Variants in TOGARAM1 observed in about 807,000 individuals in gnomAD.
TOGARAM1 encodes TOG array regulator of axonemal microtubules 1, also known as TOG array regulator of axonemal microtubules protein 1.
In TOGARAM1, 100 loss-of-function variants were observed where a neutral mutation model predicts 166.6. That is an observed-to-expected ratio of 0.60 (90% CI 0.51 to 0.71). The LOEUF (loss-of-function observed/expected upper bound fraction) is 0.71, where lower values mean the gene tolerates loss of function less well. Among genes scored for constraint, TOGARAM1 ranks in the 30% least tolerant of loss-of-function variants. TOGARAM1 has a pLI of 0.00. For missense variants in TOGARAM1, 2,029 were observed against 2,102.7 expected (o/e 0.96, Z 0.69); for synonymous variants, 758 against 763.8 (o/e 0.99, Z 0.13).
chr14:45,039,113 C>T (rs151166058), intron 11 of TOGARAM1, among the ~76,000 whole-genome samples: 262 of 151,114 alleles, frequency 1.7e-3, no homozygotes, highest in Middle Eastern at 3.4e-3. Context: ...CAGCCCTCAG[C>T]GGAGAGGAGA....
chr14:45,067,861 T>C (rs1368359710), intron 17 of TOGARAM1, among the ~76,000 whole-genome samples: 1 of 152,188 alleles, frequency 6.6e-6, no homozygotes, highest in Non-Finnish European at 1.5e-5. Flanking sequence ...CACTTTATTA[T>C]ATCTTGAGTT....
intron 11 of TOGARAM1, among the ~76,000 whole-genome samples, chr14:45,041,719 C>A (rs1395326990): frequency 6.6e-6 from 1 of 152,210 alleles, no homozygotes; most frequent in East Asian, 1.9e-4. Flanking sequence ...AATAGCCCTG[C>A]CTTACACATT....
intron 11 of TOGARAM1, among the ~76,000 whole-genome samples, chr14:45,040,910 A>G (rs975247933): frequency 6.6e-6 from 1 of 152,148 alleles, no homozygotes; most frequent in Non-Finnish European, 1.5e-5. Flanking sequence ...GTGGCGGCCC[A>G]TGCCTGTAAT....
intron 7 of TOGARAM1, among the ~76,000 whole-genome samples, chr14:45,023,531 C>T (rs1038298282): frequency 6.6e-6 from 1 of 152,160 alleles, no homozygotes; most frequent in Non-Finnish European, 1.5e-5. Flanking sequence ...CCACCACTAC[C>T]CGTAAACAAT....
chr14:45,068,745 G>T, intron 18 of TOGARAM1, 102 bp downstream of exon 18: 1 of 811,350 alleles, frequency 1.2e-6, no homozygotes, highest in South Asian at 2.4e-5. Context: ...TAGTTATTCA[G>T]TTTTTTAAAC....
At chr14:45,017,505 G>C (rs1347523367) in intron 7 of TOGARAM1, among the ~76,000 whole-genome samples, 3 of 152,100 alleles carry the variant, frequency 2.0e-5, no homozygotes, top group Non-Finnish European at 4.4e-5. Flanking sequence ...CAGATGCCCA[G>C]TTAGGTTGTA....
intron 1 of TOGARAM1, among the ~76,000 whole-genome samples, chr14:44,970,001 C>T (rs1041837394): frequency 7.2e-5 from 11 of 152,264 alleles, no homozygotes; most frequent in Admixed American, 2.0e-4. Context: ...GTTTTCCTTC[C>T]ATGTTGAGTT....
chr14:45,021,205 T>A (rs1880480080), intron 7 of TOGARAM1, among the ~76,000 whole-genome samples: 1 of 152,168 alleles, frequency 6.6e-6, no homozygotes, highest in South Asian at 2.1e-4. Flanking sequence ...CTCCAAGTCC[T>A]CCCGGACAAC....
In TOGARAM1 at chr14:45,028,170, A is replaced by G. The variant is rs1880964668; in HGVS notation, c.3505-6A>G. On this transcript the variant is annotated splice_polypyrimidine_tract_variant and splice_region_variant and intron_variant, in intron 9 of 19. Coordinates refer to ENST00000361462, the MANE Select transcript of TOGARAM1 (RefSeq NM_001308120.2). Reference sequence around the variant, plus strand: ...ATATTTTCAGACTTTCAACTTTTTCATGCAGGCTAAAGTTTCTATTTCTAA... The same window carrying G: ...ATATTTTCAGACTTTCAACTTTTTCGTGCAGGCTAAAGTTTCTATTTCTAA... 3 of 1,559,396 alleles carry G rather than the reference A, an allele frequency of 1.9e-6. No homozygotes were observed. Among genetic ancestry groups the G allele is most frequent in the Non-Finnish European group, 2.6e-6 (3 of 1,160,824 alleles).
intron 18 of TOGARAM1, 118 bp downstream of exon 18, chr14:45,068,761 A>C: frequency 3.0e-6 from 2 of 668,922 alleles, no homozygotes; most frequent in Non-Finnish European, 4.7e-6. Flanking sequence ...TAAACTTAAT[A>C]TTATCATAAA....
chr14:44,973,359 A>G (rs1024382584), intron 1 of TOGARAM1, among the ~76,000 whole-genome samples: 10 of 151,920 alleles, frequency 6.6e-5, no homozygotes, highest in African/African-American at 2.4e-4. Flanking sequence ...TAACCCAAGT[A>G]CCTTATAATA....
At chr14:45,003,766 CAT>C (rs764950141) in intron 3 of TOGARAM1, among the ~76,000 whole-genome samples, 21 of 120,984 alleles carry the variant, frequency 1.7e-4, no homozygotes, top group Middle Eastern at 4.2e-3. Flanking sequence ...ACTTCTCTGA[CAT>C]GTGTGTATAT....
intron 1 of TOGARAM1, 146 bp from the exon 2 acceptor site, chr14:44,995,600 A>G: frequency 3.0e-6 from 2 of 675,932 alleles, no homozygotes. Flanking sequence ...CCGACTAAAT[A>G]TGGATGTTTA....
At chr14:44,968,934 A>G (rs1885714282) in intron 1 of TOGARAM1, among the ~76,000 whole-genome samples, 2 of 152,026 alleles carry the variant, frequency 1.3e-5, no homozygotes, top group Non-Finnish European at 2.9e-5. Context: ...CCCATTCCCA[A>G]GCCTTAGCAA....
chr14:45,003,011 T>G (rs182937971), intron 3 of TOGARAM1, among the ~76,000 whole-genome samples: 3 of 152,184 alleles, frequency 2.0e-5, no homozygotes, highest in East Asian at 3.9e-4. Flanking sequence ...TTTTTAAATC[T>G]CTAGGAATAT....
intron 1 of TOGARAM1, among the ~76,000 whole-genome samples, chr14:44,966,275 C>T (rs1885534240): frequency 6.6e-6 from 1 of 151,316 alleles, no homozygotes; most frequent in African/African-American, 2.4e-5. Context: ...AGTTGGAGAC[C>T]AGCCTGGCCA....
chr14:45,020,038 C>G (rs544831129), intron 7 of TOGARAM1, among the ~76,000 whole-genome samples: 5 of 152,170 alleles, frequency 3.3e-5, no homozygotes, highest in Non-Finnish European at 5.9e-5. Flanking sequence ...TTTGAAGAGC[C>G]ATTTGTAGCT....
intron 10 of TOGARAM1, among the ~76,000 whole-genome samples, chr14:45,028,652 A>C (rs1383876870): frequency 6.6e-6 from 1 of 152,170 alleles, no homozygotes; most frequent in Non-Finnish European, 1.5e-5. Flanking sequence ...ATATTACATC[A>C]TGATCCAAAA....
At chr14:45,008,801 G>A (rs1200719443) in intron 5 of TOGARAM1, 112 bp from the exon 6 acceptor site, 2 of 696,540 alleles carry the variant, frequency 2.9e-6, no homozygotes, top group Admixed American at 2.9e-5. Flanking sequence ...TTTTAGTACA[G>A]GATTGGGAAG....
Sources: allele counts gnomAD v4.1 joint callset (sites outside exome capture counted in the v4.1 genomes callset), GRCh38; gene constraint gnomAD v4.1.1; transcripts MANE v1.5; gene names NCBI Gene and HGNC (gene_info 2026-07-23, HGNC 2026-07-21).